Variants in C5 observed in about 807,000 individuals in gnomAD.
The protein encoded by C5 is complement C5.
A neutral mutation model predicts 218.8 loss-of-function variants in C5; 140 were observed. That is an observed-to-expected ratio of 0.64 (90% CI 0.56 to 0.74). The LOEUF (loss-of-function observed/expected upper bound fraction) is 0.74. C5 is among the 30% of genes least tolerant of loss of function. The pLI, the probability that C5 is intolerant of heterozygous loss-of-function variation, is 0.00. For missense variants in C5, 1,700 were observed against 1,969.6 expected (o/e 0.86, Z 2.59); for synonymous variants, 614 against 682.3 (o/e 0.90, Z 1.56).
At chr9:121,005,820 T>G in intron 20 of C5, 99 bp downstream of exon 20, 1 of 1,230,524 alleles carries the variant, frequency 8.1e-7, no homozygotes, top group South Asian at 1.2e-5. Context: ...CTGAACTGAG[T>G]TGAACTTCTA....
intron 30 of C5, among the ~76,000 whole-genome samples, chr9:120,974,093 A>G (rs997594320): frequency 2.0e-5 from 3 of 152,244 alleles, no homozygotes; most frequent in African/African-American, 7.2e-5. Context: ...AAAATAATGC[A>G]AACACAGTAA....
intron 25 of C5, among the ~76,000 whole-genome samples, chr9:120,986,102 C>A (rs569361417): frequency 2.6e-5 from 4 of 152,174 alleles, no homozygotes; most frequent in Non-Finnish European, 5.9e-5. Flanking sequence ...AGTCTGCCAT[C>A]TCCTTGGGTT....
the C5 span, among the ~76,000 whole-genome samples, chr9:121,060,643 C>G: frequency 6.6e-6 from 1 of 152,010 alleles, no homozygotes; most frequent in Non-Finnish European, 1.5e-5. Context: ...CCAAATCTCT[C>G]AAAACACTTA....
At chr9:120,963,071 T>A in intron 34 of C5, 104 bp from the exon 35 acceptor site, 1 of 902,462 alleles carries the variant, frequency 1.1e-6, no homozygotes, top group Non-Finnish European at 1.8e-6. Flanking sequence ...TGATCTGTAA[T>A]TCAAAGAAAT....
chr9:120,986,403 A>G (rs2047033284), intron 25 of C5, among the ~76,000 whole-genome samples: 1 of 151,810 alleles, frequency 6.6e-6, no homozygotes, highest in Admixed American at 6.6e-5. Flanking sequence ...AATGTTCATC[A>G]TCATCAATTT....
chr9:120,985,944 C>T (rs1443391034), intron 25 of C5, among the ~76,000 whole-genome samples: 1 of 152,174 alleles, frequency 6.6e-6, no homozygotes, highest in Middle Eastern at 3.2e-3. Flanking sequence ...GTCTAGCTGA[C>T]CACTAGATGG....
chr9:121,044,323 A>G (rs911286026), intron 2 of C5, among the ~76,000 whole-genome samples: 2 of 152,086 alleles, frequency 1.3e-5, no homozygotes, highest in African/African-American at 4.8e-5. Flanking sequence ...AAAAATGCAA[A>G]AATTAGCCAG....
chr9:121,044,212 T>C (rs1236687641), intron 2 of C5, among the ~76,000 whole-genome samples: 1 of 152,144 alleles, frequency 6.6e-6, no homozygotes, highest in African/African-American at 2.4e-5. Context: ...CAGTAACCTA[T>C]GCCTGTAATC....
intron 6 of C5, 45 bp from the exon 7 acceptor site, chr9:121,030,532 C>T (rs1465675437): frequency 1.7e-6 from 2 of 1,190,224 alleles, no homozygotes; most frequent in African/African-American, 3.1e-5. Flanking sequence ...TTGATTAGAG[C>T]AGACTTTAAA....
chr9:121,001,737 G>A (rs1483057945), intron 20 of C5, among the ~76,000 whole-genome samples: 2 of 152,080 alleles, frequency 1.3e-5, no homozygotes, highest in Admixed American at 1.3e-4. Flanking sequence ...GAGGGATCAA[G>A]GCTACCTGCA....
At chr9:120,953,395 T>C (rs1395534428) in intron 40 of C5, among the ~76,000 whole-genome samples, 3 of 152,196 alleles carry the variant, frequency 2.0e-5, no homozygotes, top group African/African-American at 7.2e-5. Flanking sequence ...CAATGACTAG[T>C]TTCTAAAAGC....
At chr9:121,074,560 C>G in the C5 span, among the ~76,000 whole-genome samples, 3 of 152,218 alleles carry the variant, frequency 2.0e-5, no homozygotes, top group African/African-American at 7.2e-5. Flanking sequence ...TCATAGCGCG[C>G]AAGCATCAGA....
chr9:121,061,075 C>G, the C5 span, among the ~76,000 whole-genome samples: 1 of 152,194 alleles, frequency 6.6e-6, no homozygotes, highest in East Asian at 1.9e-4. Flanking sequence ...GTAATCCTAG[C>G]TACTCAGGAG....
intron 14 of C5, 95 bp downstream of exon 14, chr9:121,017,267 A>G: frequency 1.4e-6 from 2 of 1,445,374 alleles, no homozygotes; most frequent in South Asian, 2.3e-5. Flanking sequence ...TAGATTACAG[A>G]AAAGCAGGCC....
chr9:121,058,371 C>A, the C5 span, among the ~76,000 whole-genome samples: 1 of 152,094 alleles, frequency 6.6e-6, no homozygotes, highest in African/African-American at 2.4e-5. Flanking sequence ...AGGAAAGATA[C>A]GAAACCATGC....
upstream of C5, among the ~76,000 whole-genome samples, chr9:121,053,056 C>T (rs1369917384): frequency 6.6e-6 from 1 of 152,178 alleles, no homozygotes; most frequent in Non-Finnish European, 1.5e-5. Context: ...CTTCAAGTGC[C>T]TGCTGGCTGG....
chr9:120,968,356 C>T (rs41312889), intron 33 of C5, among the ~76,000 whole-genome samples: 1,702 of 152,260 alleles, frequency 0.011, 26 homozygotes, highest in African/African-American at 0.039. Context: ...CACAGGTAGC[C>T]TCTAGAATCT....
At chr9:121,026,001 G>C (rs1313090570) in intron 8 of C5, 1 of 162,532 alleles carries the variant, frequency 6.2e-6, no homozygotes. Flanking sequence ...AGGGATGTGG[G>C]GTTAAGTCAT....
At chr9:120,972,937 C>T (rs1165690879) in intron 30 of C5, among the ~76,000 whole-genome samples, 2 of 152,158 alleles carry the variant, frequency 1.3e-5, no homozygotes, top group Non-Finnish European at 2.9e-5. Flanking sequence ...GAAAAGCATG[C>T]ATGACAAATA....
Sources: gnomAD v4.1 joint callset for allele counts (sites outside exome capture counted in the v4.1 genomes callset) on GRCh38, gnomAD v4.1.1 for gene constraint, MANE v1.5 for transcripts, NCBI Gene and HGNC (gene_info 2026-07-23, HGNC 2026-07-21) for gene names.